Variants in CIT observed in about 807,000 individuals in gnomAD.
CIT encodes citron rho-interacting serine/threonine kinase.
Under a neutral mutation model 272.7 loss-of-function variants are expected in CIT, and 79 were observed. The observed-to-expected ratio is 0.29, with a 90% CI of 0.24 to 0.35. CIT has a LOEUF of 0.35. CIT is among the 10% of genes least tolerant of loss of function. The pLI is 1.00. For missense variants in CIT, 1,909 were observed against 2,618.3 expected (o/e 0.73, Z 5.91); for synonymous variants, 948 against 995.6 (o/e 0.95, Z 0.90).
intron 9 of CIT, among the ~76,000 whole-genome samples, chr12:119,815,114 ACACAC>A (rs999360897): frequency 6.5e-4 from 89 of 137,606 alleles, no homozygotes; most frequent in Non-Finnish European, 1.1e-3. Context: ...CAACACACAC[ACACAC>A]ACACACACAC....
chr12:119,742,549 T>C, intron 23 of CIT, 85 bp from the exon 24 acceptor site: 1 of 1,052,306 alleles, frequency 9.5e-7, no homozygotes, highest in Non-Finnish European at 1.4e-6. Context: ...AGAATAGCAA[T>C]TTGCCTGGAA....
At chr12:119,749,727 T>A (rs962441821) in intron 23 of CIT, among the ~76,000 whole-genome samples, 3 of 149,830 alleles carry the variant, frequency 2.0e-5, no homozygotes, top group African/African-American at 7.3e-5. Flanking sequence ...GTTTCCTTAT[T>A]TTTTTTTTTA....
chr12:119,712,101 G>A lies in CIT; in HGVS notation c.4854+77C>T. On this transcript the variant is annotated intron_variant, in intron 37 of 47. Coordinates refer to ENST00000392521, the MANE Select transcript of CIT (RefSeq NM_001206999.2). The surrounding 1 kb of genome is among the most constrained non-coding windows in gnomAD (Gnocchi z 5.2). ...TGAGGGGAATCAAAATGGCCAATGG[G>A]ATTCTCGTCGTTAACACCAGTTACC... 4.3e-6 allele frequency: 6 copies of A among 1,397,918 alleles called. No homozygotes were observed. The Admixed American group carries it at 1.3e-4, about 30-fold the overall frequency. The allele number at this position is 1,397,918 out of a possible 1,614,324, so 86.6% of individuals were successfully genotyped here. A position where few individuals can be genotyped will look rare whatever the true frequency, so the allele number is the denominator to read the frequency against.
intron 9 of CIT, among the ~76,000 whole-genome samples, chr12:119,819,405 A>G (rs531131612): frequency 6.6e-6 from 1 of 152,100 alleles, no homozygotes; most frequent in Non-Finnish European, 1.5e-5. Context: ...GCAAAGGCGC[A>G]TCCTAGTTTC....
At chr12:119,753,081 G>GA (rs1433168352) in intron 22 of CIT, among the ~76,000 whole-genome samples, 1 of 152,070 alleles carries the variant, frequency 6.6e-6, no homozygotes, top group Non-Finnish European at 1.5e-5. Context: ...CCAAAGGTAT[G>GA]GGGGTGAGGG....
intron 2 of CIT, among the ~76,000 whole-genome samples, chr12:119,869,867 C>T (rs564685267): frequency 3.3e-5 from 5 of 152,202 alleles, no homozygotes; most frequent in Non-Finnish European, 7.4e-5. Flanking sequence ...AACACTGCCT[C>T]GCCTTCCTGC....
chr12:119,868,476 G>T (rs982905673), intron 3 of CIT, among the ~76,000 whole-genome samples: 1 of 152,102 alleles, frequency 6.6e-6, no homozygotes, highest in Non-Finnish European at 1.5e-5. Flanking sequence ...GAGGTCTCTG[G>T]AACTAGCTAT....
chr12:119,854,153 A>G (rs1970418876), intron 4 of CIT, among the ~76,000 whole-genome samples: 1 of 151,958 alleles, frequency 6.6e-6, no homozygotes. Flanking sequence ...TCAGCTCCCA[A>G]GTAGCTGGGA....
intron 3 of CIT, among the ~76,000 whole-genome samples, chr12:119,860,195 T>C (rs1413133680): frequency 6.6e-6 from 1 of 152,190 alleles, no homozygotes; most frequent in African/African-American, 2.4e-5. Flanking sequence ...CAGAGGCTTA[T>C]AATGAGTGCC....
rs369209873 is a variant in CIT at position 119,822,901 on chromosome 12, C to G, written c.1030G>C (p.Gly344Arg). The change falls in exon 9 of 48, where the codon GGC becomes CGC. Residue 344 changes from glycine to arginine, a missense_variant. By Grantham distance (125) the Gly-to-Arg change is moderately radical (BLOSUM62 -2). This residue lies in a region of CIT where 529 missense variants were observed against 549.6 expected (regional missense o/e 0.96). Coordinates refer to ENST00000392521, the MANE Select transcript of CIT (RefSeq NM_001206999.2). ...TCAAACTTCAGTCTCTCTTTCTGGC[C>G]GCACAACAAGCTTTGAATCAGATCA... ...FLDLIQSLLCGQKERLKFEGL... is the reference protein window; with the variant it reads ...FLDLIQSLLCRQKERLKFEGL... The G allele has an allele frequency of 1.5e-5, 25 of 1,614,018 alleles. No homozygotes were observed. Among genetic ancestry groups the G allele is most frequent in the Non-Finnish European group, 2.1e-5 (25 of 1,180,006 alleles).
At chr12:119,827,571 G>A (rs1447893125) in intron 7 of CIT, among the ~76,000 whole-genome samples, 1 of 151,942 alleles carries the variant, frequency 6.6e-6, no homozygotes, top group Non-Finnish European at 1.5e-5. Flanking sequence ...TCGAGTAACT[G>A]CGACTACAGG....
chr12:119,735,452 C>T, intron 24 of CIT, 95 bp from the exon 25 acceptor site: 1 of 1,250,132 alleles, frequency 8.0e-7, no homozygotes, highest in Non-Finnish European at 1.2e-6. Flanking sequence ...CCACGTGACA[C>T]TGGCAATCAA....
intron 39 of CIT, among the ~76,000 whole-genome samples, chr12:119,709,636 G>C (rs1957050098): frequency 6.6e-6 from 1 of 151,978 alleles, no homozygotes; most frequent in African/African-American, 2.4e-5. Context: ...TAAAAATAAT[G>C]TCACTAACAC....
At chr12:119,874,962 T>C (rs905651884) in intron 2 of CIT, among the ~76,000 whole-genome samples, 4 of 151,918 alleles carry the variant, frequency 2.6e-5, no homozygotes, top group African/African-American at 9.7e-5. Flanking sequence ...ACAGAAATTG[T>C]AGTTTTAAAA....
chr12:119,822,822 T>A lies in CIT; in HGVS notation c.1109A>T (p.Asn370Ile). ...FSKIDWNNIR[N>I]SPPPFVPTLK... ...TTAAGGAAAACAGCCCTACTTACAG[T>A]TACGAATGTTGTTCCAGTCAATTTT... The change falls in exon 9 of 48, where the codon AAC becomes ATC. Residue 370 changes from asparagine (N) to isoleucine (I), a missense_variant and splice_region_variant. Coordinates refer to ENST00000392521, the MANE Select transcript of CIT (RefSeq NM_001206999.2). The A allele has an allele frequency of 1.2e-6, 2 of 1,614,014 alleles. No homozygotes were observed. Among genetic ancestry groups the A allele is most frequent in the Non-Finnish European group, 1.7e-6 (2 of 1,180,004 alleles).
intron 22 of CIT, 51 bp downstream of exon 22, chr12:119,757,320 G>T: frequency 6.2e-7 from 1 of 1,604,720 alleles, no homozygotes; most frequent in African/African-American, 1.3e-5. Context: ...GACTTGTTCA[G>T]AGCCCGAATC....
intron 47 of CIT, 72 bp from the exon 48 acceptor site, chr12:119,688,327 A>T: frequency 6.9e-7 from 1 of 1,445,372 alleles, no homozygotes; most frequent in Non-Finnish European, 9.7e-7. Flanking sequence ...GCATGATGCA[A>T]ATGGGAATCT....
intron 47 of CIT, 65 bp from the exon 48 acceptor site, chr12:119,688,320 T>C: frequency 6.7e-7 from 1 of 1,495,882 alleles, no homozygotes; most frequent in East Asian, 2.3e-5. Flanking sequence ...TCACCTTGCA[T>C]GATGCAAATG....
intron 9 of CIT, chr12:119,803,600 C>A: frequency 2.4e-6 from 1 of 418,642 alleles, no homozygotes. Context: ...GACAGGCTGC[C>A]TTCCCGCCTG....
Sources: allele counts gnomAD v4.1 joint callset (sites outside exome capture counted in the v4.1 genomes callset), GRCh38; gene constraint gnomAD v4.1.1; regional missense constraint gnomAD v4.1.1; non-coding constraint Gnocchi (gnomAD v3.1); transcripts MANE v1.5; gene names NCBI Gene and HGNC (gene_info 2026-07-23, HGNC 2026-07-21).